CALN1: variants seen among roughly 807,000 people sequenced by gnomAD.
CALN1 encodes the protein calneuron 1.
In CALN1, 17 loss-of-function variants were observed where a neutral mutation model predicts 30.6. That is an observed-to-expected ratio of 0.56 (90% CI 0.38 to 0.83). The LOEUF (loss-of-function observed/expected upper bound fraction) is 0.83, where lower values mean the gene tolerates loss of function less well. Among genes scored for constraint, CALN1 ranks in the 40% least tolerant of loss-of-function variants. The probability of loss-of-function intolerance (pLI) is 0.00; values close to 1 mark genes in which losing one functional copy is unlikely to be tolerated. For synonymous variants in CALN1, 156 were observed against 131.4 expected (o/e 1.19, Z -1.28); for missense variants, 291 against 354.9 (o/e 0.82, Z 1.45).
At chr7:72,152,711 G>C (rs1787348338) in intron 3 of CALN1, among the ~76,000 whole-genome samples, 1 of 152,144 alleles carries the variant, frequency 6.6e-6, no homozygotes, top group Admixed American at 6.5e-5. Flanking sequence ...CCAGCCGAGA[G>C]AGAGGCACCA....
intron 5 of CALN1, among the ~76,000 whole-genome samples, chr7:71,982,477 C>G (rs566213771): frequency 6.6e-6 from 1 of 152,096 alleles, no homozygotes; most frequent in African/African-American, 2.4e-5. Flanking sequence ...GCCTGTAATC[C>G]CAGCTACTCT....
chr7:72,096,078 TA>T (rs1397721213), intron 4 of CALN1, among the ~76,000 whole-genome samples: 1 of 151,554 alleles, frequency 6.6e-6, no homozygotes, highest in Non-Finnish European at 1.5e-5. Flanking sequence ...GATAGATAGA[TA>T]GATAGATAGA....
intron 5 of CALN1, among the ~76,000 whole-genome samples, chr7:71,886,576 C>T (rs767252956): frequency 6.6e-6 from 1 of 152,062 alleles, no homozygotes; most frequent in Non-Finnish European, 1.5e-5. Flanking sequence ...AGTTCGAGAC[C>T]AGCCTGGTTA....
chr7:72,234,016 T>TAAAC (rs374705383), intron 3 of CALN1, among the ~76,000 whole-genome samples: 14 of 151,254 alleles, frequency 9.3e-5, no homozygotes, highest in East Asian at 3.9e-4. Flanking sequence ...AATAAATAAA[T>TAAAC]AAACAAACAA....
intron 5 of CALN1, among the ~76,000 whole-genome samples, chr7:71,842,714 T>C (rs1376757824): frequency 6.6e-6 from 1 of 152,110 alleles, no homozygotes; most frequent in Non-Finnish European, 1.5e-5. Flanking sequence ...AAATAAATAA[T>C]AAGGCCTCTT....
At chr7:72,368,969 C>T (rs1410272261) in intron 2 of CALN1, among the ~76,000 whole-genome samples, 2 of 151,862 alleles carry the variant, frequency 1.3e-5, no homozygotes, top group Non-Finnish European at 2.9e-5. Context: ...CACCCGCCAC[C>T]ACGCCCAGCT....
Position 71,915,303 on chromosome 7 carries a change from T to C in CALN1, c.502-104811A>G, listed in dbSNP as rs555947655. ...CAATGAGGTCATCTCAGTGGGACTTTCTTTCGAAAAGAGGTGAACCAATTA... is the reference window on the plus strand; with the variant it reads ...CAATGAGGTCATCTCAGTGGGACTTCCTTTCGAAAAGAGGTGAACCAATTA... On this transcript the variant is annotated intron_variant, in intron 5 of 6. Coordinates refer to ENST00000395275, the MANE Select transcript of CALN1 (RefSeq NM_031468.4). 2.0e-5 allele frequency among the ~76,000 whole-genome samples: 3 copies of C among 152,322 alleles called. No individual in the cohort carries two copies. In the East Asian group the frequency reaches 5.8e-4, roughly 29 times the overall value.
At chr7:72,358,012 G>C (rs915774680) in intron 2 of CALN1, among the ~76,000 whole-genome samples, 14 of 151,326 alleles carry the variant, frequency 9.3e-5, no homozygotes, top group African/African-American at 3.4e-4. Flanking sequence ...TTGTATTTAA[G>C]AGGCAGAATC....
chr7:72,011,575 C>G (rs1209887800), intron 5 of CALN1, among the ~76,000 whole-genome samples: 1 of 152,230 alleles, frequency 6.6e-6, no homozygotes, highest in East Asian at 1.9e-4. Context: ...CCATCAGCTT[C>G]CATGCCTGTC....
upstream of CALN1, among the ~76,000 whole-genome samples, chr7:72,449,054 A>T (rs975737115): frequency 1.3e-5 from 2 of 152,108 alleles, no homozygotes; most frequent in Admixed American, 1.3e-4. Flanking sequence ...TGTCAGAGTG[A>T]ACCCCAGATC....
rs144545933 is a variant in CALN1, at chr7:72,262,473, C to G, written c.244+16213G>C. On this transcript the variant is annotated intron_variant, in intron 3 of 6. Transcript: ENST00000395275. ...CCCAAACAGTTAACACAGTACTACT[C>G]AAATAGGTAGTTCTTCAACGTGCCC... Among the ~76,000 whole-genome samples the G allele has an allele frequency of 2.6e-5, 4 of 152,258 alleles. No individual in the cohort carries two copies. The East Asian group carries it at 7.7e-4, about 29-fold the overall frequency.
chr7:72,207,506 G>C (rs931132783), intron 3 of CALN1, among the ~76,000 whole-genome samples: 2 of 152,122 alleles, frequency 1.3e-5, no homozygotes, highest in African/African-American at 2.4e-5. Flanking sequence ...ATTTGAGACA[G>C]AGTCTCGCTC....
rs141061898 is a variant in CALN1 at position 72,198,678 on chromosome 7, G to C, written c.244+80008C>G. Among the ~76,000 whole-genome samples, 999 of 152,096 alleles carry C rather than the reference G, an allele frequency of 6.6e-3. 13 individuals are homozygous for C. Among genetic ancestry groups the C allele is most frequent in the African/African-American group, 0.022 (931 of 41,438 alleles). On this transcript the variant is annotated intron_variant, in intron 3 of 6. Transcript: ENST00000395275. ...ATGGGACCCACCTAAAAAAGAAAAAGGGATTACTAAAGGATTCATCATCAA... is the reference window on the plus strand; with the variant it reads ...ATGGGACCCACCTAAAAAAGAAAAACGGATTACTAAAGGATTCATCATCAA...
chr7:72,178,493 C>T (rs1789529579), intron 3 of CALN1, among the ~76,000 whole-genome samples: 1 of 152,058 alleles, frequency 6.6e-6, no homozygotes, highest in Non-Finnish European at 1.5e-5. Context: ...GAGTTCGAGA[C>T]CAGCCTGACC....
intron 5 of CALN1, among the ~76,000 whole-genome samples, chr7:71,816,335 G>A (rs1339062948): frequency 3.9e-5 from 6 of 152,096 alleles, no homozygotes; most frequent in Non-Finnish European, 8.8e-5. Flanking sequence ...TACACTCAGA[G>A]AAAACTCATG....
At chr7:72,416,441 A>G (rs1807420682), upstream of CALN1, among the ~76,000 whole-genome samples, 5 of 152,170 alleles carry the variant, frequency 3.3e-5, 1 homozygote, top group South Asian at 1.0e-3. Context: ...TCCTGAGTGA[A>G]GCCGGGAACC....
At chr7:72,350,437 A>C (rs113132156) in intron 2 of CALN1, among the ~76,000 whole-genome samples, 4,311 of 152,316 alleles carry the variant, frequency 0.028, 176 homozygotes, top group African/African-American at 0.098. Flanking sequence ...ACACCATGGA[A>C]TACTACTCAG....
intron 5 of CALN1, among the ~76,000 whole-genome samples, chr7:71,914,513 C>T (rs952407504): frequency 2.6e-4 from 40 of 152,112 alleles, no homozygotes; most frequent in Non-Finnish European, 5.6e-4. Flanking sequence ...TGAACATATT[C>T]GTGCATGTGT....
chr7:72,256,290 C>T (rs1795907281), intron 3 of CALN1, among the ~76,000 whole-genome samples: 1 of 152,004 alleles, frequency 6.6e-6, no homozygotes, highest in Admixed American at 6.6e-5. Flanking sequence ...TAGACCTCAT[C>T]GCTACAAAAA....
Sources: allele counts gnomAD v4.1 joint callset (sites outside exome capture counted in the v4.1 genomes callset), GRCh38; gene constraint gnomAD v4.1.1; transcripts MANE v1.5; gene names NCBI Gene and HGNC (gene_info 2026-07-23, HGNC 2026-07-21).